The following C8orf74 variants were observed in gnomAD, a reference collection of about 807,000 sequenced individuals.
The protein encoded by C8orf74 is chromosome 8 open reading frame 74.
Under a neutral mutation model 22.2 loss-of-function variants are expected in C8orf74, and 29 were observed. The observed-to-expected ratio is 1.31, with a 90% CI of 0.97 to 1.78. The LOEUF (loss-of-function observed/expected upper bound fraction) is 1.78. Ranked by LOEUF, C8orf74 falls within the 40% of genes most tolerant of loss-of-function variation. The probability of loss-of-function intolerance (pLI) is 0.00; values close to 1 mark genes in which losing one functional copy is unlikely to be tolerated. For synonymous variants in C8orf74, 255 were observed against 163.1 expected, an observed-to-expected ratio of 1.56 and a Z score of -4.30; for missense variants, 515 against 369.9, an observed-to-expected ratio of 1.39 and a Z score of -3.22.
At chr8:10,679,775 T>A (rs4240665) in intron 2 of C8orf74, 151,241 of 152,312 alleles carry the variant, frequency 0.99, 75,094 homozygotes, top group Non-Finnish European at 1. Flanking sequence ...CCCTGTGATG[T>A]CTGCGTCCTC....
At chr8:10,700,150 T>C in intron 3 of C8orf74, 85 bp from the exon 4 acceptor site, 1 of 862,496 alleles carries the variant, frequency 1.2e-6, no homozygotes. Flanking sequence ...GGACACATTC[T>C]CGTACCTGCA....
In C8orf74 at chr8:10,698,005, G is replaced by A. The variant is rs75843595; in HGVS notation, c.648G>A (p.Gln216=). 4.8e-6 allele frequency: 7 copies of A among 1,471,500 alleles called. No individual in the cohort carries two copies. The African/African-American group carries it at 7.0e-5, about 15-fold the overall frequency. 91.2% of individuals were successfully genotyped at this position (1,471,500 alleles called of 1,614,324 possible). The change falls in exon 3 of 4, where the codon CAG becomes CAA. Residue 216 remains glutamine (Q), a splice_region_variant and synonymous_variant. Transcript: ENST00000304519. ...PAQPGQVLER[Q]ELESLICQAV... Reference sequence around the variant, plus strand: ...AGCCCGGCCAGGTCCTGGAGAGACAGGTGAGGCTCTGCCCCCCTGCCGTGG... The same window carrying A: ...AGCCCGGCCAGGTCCTGGAGAGACAAGTGAGGCTCTGCCCCCCTGCCGTGG...
chr8:10,683,684 A>G (rs1799199945), intron 2 of C8orf74, among the ~76,000 whole-genome samples: 1 of 152,158 alleles, frequency 6.6e-6, no homozygotes, highest in Non-Finnish European at 1.5e-5. Flanking sequence ...CTCCACGGAA[A>G]TCCCCACAGC....
chr8:10,685,515 A>T (rs1799244351), intron 2 of C8orf74, among the ~76,000 whole-genome samples: 1 of 152,256 alleles, frequency 6.6e-6, no homozygotes, highest in South Asian at 2.1e-4. Context: ...CCTTGAAGAC[A>T]TTACGTTACG....
intron 2 of C8orf74, among the ~76,000 whole-genome samples, chr8:10,681,340 G>C (rs1338693228): frequency 1.3e-5 from 2 of 152,194 alleles, no homozygotes; most frequent in Admixed American, 6.5e-5. Flanking sequence ...TCTCCCCCGG[G>C]TCAAGGGTGA....
intron 2 of C8orf74, among the ~76,000 whole-genome samples, chr8:10,685,845 G>A (rs1312127913): frequency 2.6e-5 from 4 of 152,214 alleles, no homozygotes; most frequent in East Asian, 1.9e-4. Context: ...TGAGGCAGGT[G>A]GATCACGAGA....
chr8:10,684,457 G>A (rs1337357324), intron 2 of C8orf74, among the ~76,000 whole-genome samples: 1 of 152,216 alleles, frequency 6.6e-6, no homozygotes, highest in Admixed American at 6.5e-5. Context: ...ATGTGGTCCT[G>A]AGCTTGCCCT....
chr8:10,680,842 C>T (rs561533809), intron 2 of C8orf74, among the ~76,000 whole-genome samples: 3 of 152,286 alleles, frequency 2.0e-5, no homozygotes, highest in South Asian at 2.1e-4. Context: ...AGCTCTTTTC[C>T]ACCTTGCATC....
At chr8:10,694,578 C>T (rs1460515240) in intron 2 of C8orf74, among the ~76,000 whole-genome samples, 1 of 152,186 alleles carries the variant, frequency 6.6e-6, no homozygotes, top group Non-Finnish European at 1.5e-5. Context: ...AGTAAATTGG[C>T]ACTTTGTATA....
rs769860984 is a variant in C8orf74, at chr8:10,700,216, C to A, written c.649-19C>A. ...GAGGCTCCCCAGCCCTGCTCATCGG[C>A]CTTCCCCTTTCCTTCCAGGAGTTGG... On this transcript the variant is annotated intron_variant, in intron 3 of 3. Coordinates refer to ENST00000304519, the MANE Select transcript of C8orf74 (RefSeq NM_001040032.2). 1 of 1,550,558 alleles carries A rather than the reference C, an allele frequency of 6.4e-7. No individual in the cohort carries two copies.
intron 2 of C8orf74, among the ~76,000 whole-genome samples, chr8:10,693,580 A>G (rs1026623250): frequency 1.3e-5 from 2 of 152,164 alleles, no homozygotes; most frequent in African/African-American, 2.4e-5. Flanking sequence ...ACAAATCCCA[A>G]TGCTGGGGGC....
chr8:10,696,409 C>T (rs753413185), intron 2 of C8orf74, among the ~76,000 whole-genome samples: 2 of 149,998 alleles, frequency 1.3e-5, no homozygotes, highest in African/African-American at 2.5e-5. Context: ...GCCTGCTCCA[C>T]TCTTTTTTTT....
chr8:10,697,288 A>T (rs988596039), intron 2 of C8orf74, among the ~76,000 whole-genome samples: 26 of 152,130 alleles, frequency 1.7e-4, no homozygotes, highest in Admixed American at 1.1e-3. Context: ...AAACAAAATT[A>T]GTCAGGTTTG....
At chr8:10,696,466 G>A (rs1203852806) in intron 2 of C8orf74, among the ~76,000 whole-genome samples, 5 of 71,376 alleles carry the variant, frequency 7.0e-5, no homozygotes, top group Non-Finnish European at 2.7e-5. Context: ...TTTTTTTTGA[G>A]ATGGAGTCTT....
At chr8:10,676,281 G>A (rs1481102355) in intron 2 of C8orf74, among the ~76,000 whole-genome samples, 1 of 152,058 alleles carries the variant, frequency 6.6e-6, no homozygotes. Flanking sequence ...ACGAGGCTGT[G>A]TCTCTCACAC....
chr8:10,686,626 G>A (rs1799267529), intron 2 of C8orf74: 1 of 155,278 alleles, frequency 6.4e-6, no homozygotes, highest in African/African-American at 2.4e-5. Context: ...AAGCTAAGCA[G>A]AGTCGGACAT....
intron 2 of C8orf74, chr8:10,686,442 T>C (rs1454797863): frequency 6.6e-6 from 1 of 152,258 alleles, no homozygotes; most frequent in Non-Finnish European, 1.5e-5. Flanking sequence ...GTCATAGTAT[T>C]ATTTCCTGAG....
intron 3 of C8orf74, among the ~76,000 whole-genome samples, chr8:10,699,598 C>G (rs1204335997): frequency 6.6e-6 from 1 of 152,236 alleles, no homozygotes; most frequent in Non-Finnish European, 1.5e-5. Context: ...GGCTATAACT[C>G]TGATGGAGTT....
chr8:10,692,982 T>C (rs563817601), intron 2 of C8orf74: 1 of 152,306 alleles, frequency 6.6e-6, no homozygotes, highest in Admixed American at 6.5e-5. Context: ...TCGTGATGAG[T>C]ACTCTGGAGA....
Sources: allele counts gnomAD v4.1 joint callset (sites outside exome capture counted in the v4.1 genomes callset), GRCh38; gene constraint gnomAD v4.1.1; transcripts MANE v1.5; gene names NCBI Gene and HGNC (gene_info 2026-07-23, HGNC 2026-07-21).